The following COL22A1 variants were observed in gnomAD, a reference collection of about 807,000 sequenced individuals.
The protein encoded by COL22A1 is collagen alpha-1(XXII) chain.
Under a neutral mutation model 248.9 loss-of-function variants are expected in COL22A1, and 221 were observed. The ratio of observed to expected loss-of-function variants is 0.89; its 90% CI spans 0.80 to 0.99. The LOEUF is 0.99. Ranked by LOEUF, COL22A1 falls within the 50% of genes least tolerant of loss-of-function variation. The pLI is 0.00. For missense variants in COL22A1, 2,240 were observed against 2,179.0 expected, an observed-to-expected ratio of 1.03 and a Z score of -0.56; for synonymous variants, 891 against 793.4, an observed-to-expected ratio of 1.12 and a Z score of -2.07.
At chr8:138,632,024 G>T (rs1820765571) in intron 49 of COL22A1, among the ~76,000 whole-genome samples, 1 of 152,204 alleles carries the variant, frequency 6.6e-6, no homozygotes, top group South Asian at 2.1e-4. Flanking sequence ...TATGAAGGCA[G>T]CAGTTCTTTA....
intron 41 of COL22A1, among the ~76,000 whole-genome samples, chr8:138,672,221 A>G (rs533445530): frequency 3.9e-5 from 6 of 152,166 alleles, no homozygotes; most frequent in Admixed American, 1.3e-4. Flanking sequence ...TTGTAAAATG[A>G]AAAGAAAAGT....
At chr8:138,608,070 A>G in intron 56 of COL22A1, 81 bp from the exon 57 acceptor site, 1 of 1,339,406 alleles carries the variant, frequency 7.5e-7, no homozygotes, top group South Asian at 1.3e-5. Context: ...ACTGATGCAC[A>G]GGACTTGGTT....
chr8:138,776,076 G>A (rs899721060), intron 15 of COL22A1, 66 bp from the exon 16 acceptor site: 1 of 1,547,526 alleles, frequency 6.5e-7, no homozygotes, highest in African/African-American at 1.4e-5. Flanking sequence ...CACCGTGGGG[G>A]TGTCCATGGA....
intron 4 of COL22A1, among the ~76,000 whole-genome samples, chr8:138,835,648 A>C (rs918628368): frequency 1.3e-5 from 2 of 152,078 alleles, no homozygotes; most frequent in Non-Finnish European, 2.9e-5. Context: ...ATAGGGCCTC[A>C]CTCTGAGCTG....
chr8:138,819,912 A>G (rs989640210), intron 7 of COL22A1, among the ~76,000 whole-genome samples: 2 of 151,980 alleles, frequency 1.3e-5, no homozygotes, highest in Non-Finnish European at 2.9e-5. Context: ...CTATATCTCA[A>G]GCTTAAAGGA....
chr8:138,755,172 AC>A lies in COL22A1; in HGVS notation c.2015del (p.Gly672ValfsTer9). 6.2e-7 allele frequency: 1 copy of A among 1,614,088 alleles called. No individual in the cohort carries two copies. The highest frequency in any genetic ancestry group is 8.5e-7 in the Non-Finnish European group (1 of 1,179,982). On this transcript the variant is annotated frameshift_variant, in exon 21 of 65. Coordinates refer to ENST00000303045, the MANE Select transcript of COL22A1 (RefSeq NM_152888.3). LOFTEE classifies it high-confidence loss of function. ...PGPRGHQGAPGPPGARGPIGP... is the reference protein window; with the variant it reads ...PGPRGHQGAPXPPGARGPIGP... ...GACAACTTACCCGAGCTCCTGGAGG[AC>A]CGGGGGCGCCTTGGTGACCTCTGGG...
chr8:138,682,517 A>T (rs545383992), intron 39 of COL22A1, among the ~76,000 whole-genome samples: 1 of 152,318 alleles, frequency 6.6e-6, no homozygotes, highest in South Asian at 2.1e-4. Flanking sequence ...CATTTTTAAA[A>T]GTTGATGCAT....
Position 138,589,274 on chromosome 8 carries a change from C to A in COL22A1, c.4860G>T (p.Pro1620=), listed in dbSNP as rs372942802. 1 of 1,613,854 alleles carries A rather than the reference C, an allele frequency of 6.2e-7. No homozygotes were observed. The highest frequency in any genetic ancestry group is 8.5e-7 in the Non-Finnish European group (1 of 1,179,862). ...CAYFASLAAR[P]GNVKGP ...TCCTTTAGGGACCCTTCACATTACC[C>A]GGCCGGGCAGCAAGGCTGGCGAAGT... The change falls in exon 65 of 65, where the codon CCG becomes CCT. Residue 1620 remains proline (P), a synonymous_variant. Transcript: ENST00000303045.
At chr8:138,696,727 CAA>C (rs1384906733) in intron 32 of COL22A1, among the ~76,000 whole-genome samples, 1 of 152,204 alleles carries the variant, frequency 6.6e-6, no homozygotes, top group African/African-American at 2.4e-5. Flanking sequence ...ATTGCGTTTG[CAA>C]AGTGTTTCAC....
Position 138,839,508 on chromosome 8 carries a change from G to C in COL22A1, c.733+4576C>G, listed in dbSNP as rs1820707301. Among the ~76,000 whole-genome samples, 3 of 152,252 alleles carry C rather than the reference G, an allele frequency of 2.0e-5. No homozygotes were observed. The South Asian group carries it at 6.2e-4, about 32-fold the overall frequency. ...GGAGGGGCAAGACCAGCCAGGAGTA[G>C]GTAAAGGTACAATGCACACTGGGCA... is the stretch of plus-strand genomic sequence containing the variant. On this transcript the variant is annotated intron_variant, in intron 4 of 64. Coordinates refer to ENST00000303045, the MANE Select transcript of COL22A1 (RefSeq NM_152888.3).
intron 20 of COL22A1, 109 bp downstream of exon 20, chr8:138,755,373 C>A (rs774772309): frequency 4.7e-5 from 62 of 1,328,302 alleles, no homozygotes; most frequent in Non-Finnish European, 6.3e-5. Flanking sequence ...AGAAAGGCAA[C>A]TGAAGTCTGA....
At chr8:138,844,721 C>A (rs930189271) in intron 3 of COL22A1, among the ~76,000 whole-genome samples, 3 of 151,972 alleles carry the variant, frequency 2.0e-5, no homozygotes, top group African/African-American at 7.3e-5. Context: ...GAGGCCGAGG[C>A]GGGCGGATCA....
intron 18 of COL22A1, 48 bp downstream of exon 18, chr8:138,760,195 C>G (rs1047683614): frequency 6.7e-7 from 1 of 1,492,270 alleles, no homozygotes; most frequent in African/African-American, 1.4e-5. Flanking sequence ...AGTCCCCGCA[C>G]CTGCCTGCCC....
chr8:138,679,188 G>A (rs752935132), intron 40 of COL22A1, among the ~76,000 whole-genome samples: 1 of 152,122 alleles, frequency 6.6e-6, no homozygotes, highest in Non-Finnish European at 1.5e-5. Flanking sequence ...TATATGCAGA[G>A]GTAGAAGATA....
At chr8:138,658,605 C>T (rs574518042) in intron 44 of COL22A1, among the ~76,000 whole-genome samples, 2 of 152,318 alleles carry the variant, frequency 1.3e-5, no homozygotes, top group East Asian at 1.9e-4. Context: ...CAAATGGAAG[C>T]TTGTATTGGT....
intron 3 of COL22A1, among the ~76,000 whole-genome samples, chr8:138,862,162 G>A (rs1199271815): frequency 6.6e-6 from 1 of 152,056 alleles, no homozygotes; most frequent in African/African-American, 2.4e-5. Flanking sequence ...AGGTTGCAGT[G>A]AGCCGAGATA....
At chr8:138,727,952 C>A (rs995828626) in intron 23 of COL22A1, among the ~76,000 whole-genome samples, 1 of 152,186 alleles carries the variant, frequency 6.6e-6, no homozygotes, top group Admixed American at 6.5e-5. Flanking sequence ...CCCCTCACTT[C>A]TCTCAGCAAA....
chr8:138,717,672 C>A (rs1447550359), intron 27 of COL22A1, among the ~76,000 whole-genome samples: 1 of 152,076 alleles, frequency 6.6e-6, no homozygotes, highest in Non-Finnish European at 1.5e-5. Context: ...ACTGTGTTGG[C>A]CAGGTTTAGT....
At chr8:138,757,198 G>A (rs930339908) in intron 18 of COL22A1, among the ~76,000 whole-genome samples, 1 of 152,058 alleles carries the variant, frequency 6.6e-6, no homozygotes, top group African/African-American at 2.4e-5. Flanking sequence ...ACTTCTTCAC[G>A]AACATCCTTC....
Sources: allele counts gnomAD v4.1 joint callset (sites outside exome capture counted in the v4.1 genomes callset), GRCh38; gene constraint gnomAD v4.1.1; transcripts MANE v1.5; gene names NCBI Gene and HGNC (gene_info 2026-07-23, HGNC 2026-07-21).